ABCA9: variants seen among roughly 807,000 people sequenced by gnomAD.
ABCA9 encodes ATP binding cassette subfamily A member 9, also known as ATP-binding cassette sub-family A member 9.
In ABCA9, 183 loss-of-function variants were observed where a neutral mutation model predicts 205.3. The observed-to-expected ratio is 0.89, with a 90% CI of 0.79 to 1.01. The LOEUF (loss-of-function observed/expected upper bound fraction) is 1.01, where lower values mean the gene tolerates loss of function less well. ABCA9 is among the 50% of genes least tolerant of loss of function. ABCA9 has a pLI of 0.00. For synonymous variants in ABCA9, 651 were observed against 683.3 expected (o/e 0.95, Z 0.74); for missense variants, 1,805 against 1,912.4 (o/e 0.94, Z 1.05).
chr17:68,999,181 T>C, intron 25 of ABCA9, among the ~76,000 whole-genome samples: 1 of 150,144 alleles, frequency 6.7e-6, no homozygotes, highest in East Asian at 1.9e-4. Flanking sequence ...ATTGTGCAGG[T>C]TAGTTACATA....
At chr17:68,992,026 C>T (rs1046662789) in intron 28 of ABCA9, 149 bp downstream of exon 28, 1 of 493,212 alleles carries the variant, frequency 2.0e-6, no homozygotes, top group Non-Finnish European at 3.6e-6. Flanking sequence ...GTATATATTC[C>T]TATATTATGG....
At chr17:68,979,748 T>G (rs1241827530) in intron 37 of ABCA9, among the ~76,000 whole-genome samples, 2 of 152,186 alleles carry the variant, frequency 1.3e-5, no homozygotes, top group African/African-American at 2.4e-5. Context: ...AAGCTGAAAC[T>G]GGATCCCTTC....
intron 34 of ABCA9, among the ~76,000 whole-genome samples, chr17:68,984,498 C>T (rs73365990): frequency 0.011 from 1,661 of 152,180 alleles, 27 homozygotes; most frequent in African/African-American, 0.036. Context: ...CCTATAGGTA[C>T]AAGATGACAG....
At chr17:68,987,177 A>G (rs568690060) in intron 31 of ABCA9, among the ~76,000 whole-genome samples, 1 of 152,352 alleles carries the variant, frequency 6.6e-6, no homozygotes, top group East Asian at 1.9e-4. Context: ...ACAGAAAATT[A>G]TCACAAGCAT....
intron 37 of ABCA9, among the ~76,000 whole-genome samples, chr17:68,981,329 A>G (rs182308970): frequency 6.6e-6 from 1 of 152,138 alleles, no homozygotes; most frequent in Non-Finnish European, 1.5e-5. Flanking sequence ...GTGATGTGAA[A>G]AAAAAAAGAA....
rs779031465 is a variant in ABCA9 at position 69,027,051 on chromosome 17, G to T, written c.1975C>A (p.Leu659Ile). 3.1e-6 allele frequency: 5 copies of T among 1,614,028 alleles called. No individual in the cohort carries two copies. The East Asian group carries it at 1.1e-4, about 36-fold the overall frequency. ...CTGTCTGATTTCCCCTCTTTCAGGA[G>T]ATTCCATATTCGGTGCCTTGAAAGA... Reference protein sequence around the residue: ...DPLSRHRIWNLLKEGKSDRVI... With the variant: ...DPLSRHRIWNILKEGKSDRVI... The change falls in exon 15 of 39, where the codon CTC becomes ATC. Residue 659 changes from leucine to isoleucine, a missense_variant. Physicochemically the swap from Leu to Ile is conservative, Grantham distance 5. Coordinates refer to ENST00000340001, the MANE Select transcript of ABCA9 (RefSeq NM_080283.4).
intron 25 of ABCA9, among the ~76,000 whole-genome samples, chr17:69,006,779 T>G (rs1207349007): frequency 2.0e-5 from 3 of 152,208 alleles, no homozygotes; most frequent in Non-Finnish European, 4.4e-5. Flanking sequence ...GCTTAAAATG[T>G]GTGAACTTTT....
intron 1 of ABCA9, 104 bp downstream of exon 1, chr17:69,060,762 T>G: frequency 1.3e-6 from 1 of 759,306 alleles, no homozygotes; most frequent in Non-Finnish European, 1.6e-6. Flanking sequence ...CGTTAATAAC[T>G]TACTGCTTTT....
In ABCA9 at chr17:69,023,810, C is replaced by A. The variant is rs540222166; in HGVS notation, c.2281+404G>T. Among the ~76,000 whole-genome samples, 1 of 152,122 alleles carries A rather than the reference C, an allele frequency of 6.6e-6. No individual in the cohort carries two copies. The highest frequency in any genetic ancestry group is 1.9e-4 in the East Asian group (1 of 5,192). On this transcript the variant is annotated intron_variant, in intron 17 of 38. Coordinates refer to ENST00000340001, the MANE Select transcript of ABCA9 (RefSeq NM_080283.4). The surrounding 1 kb of genome is among the most constrained non-coding windows in gnomAD (Gnocchi z 4.2). ...ATTATATCAGTATGTGCTGGTGTTTCTAAAACAACCTATTTATTGTGTACA... is the reference window on the plus strand; with the variant it reads ...ATTATATCAGTATGTGCTGGTGTTTATAAAACAACCTATTTATTGTGTACA...
chr17:69,035,004 G>C, intron 8 of ABCA9: 1 of 303,330 alleles, frequency 3.3e-6, no homozygotes, highest in Non-Finnish European at 6.0e-6. Context: ...AATGTTCTCT[G>C]GGACAACCAA....
At chr17:69,076,046 C>G in the ABCA9 span, among the ~76,000 whole-genome samples, 1 of 152,222 alleles carries the variant, frequency 6.6e-6, no homozygotes, top group African/African-American at 2.4e-5. Flanking sequence ...GCAAGAAATT[C>G]AGTACTATGT....
intron 36 of ABCA9, among the ~76,000 whole-genome samples, 187 bp from the exon 37 acceptor site, chr17:68,982,828 G>A (rs937001906): frequency 6.6e-6 from 1 of 152,082 alleles, no homozygotes; most frequent in Admixed American, 6.5e-5. Context: ...AACAGATGGA[G>A]ATCCCATCTC....
At position 68,976,021 on chromosome 17, in the gene ABCA9, G is replaced by T; in HGVS notation, c.4777-8C>A. 1 of 1,613,140 alleles carries T rather than the reference G, an allele frequency of 6.2e-7. No homozygotes were observed. Among genetic ancestry groups the T allele is most frequent in the Non-Finnish European group, 8.5e-7 (1 of 1,179,370 alleles). Reference sequence around the variant, plus strand: ...GGAGAGCTCCAGGAAAACCTAAAAGGAAGGAAAGAAATAAAGAGAGGAGAA... The same window carrying T: ...GGAGAGCTCCAGGAAAACCTAAAAGTAAGGAAAGAAATAAAGAGAGGAGAA... On this transcript the variant is annotated splice_region_variant and splice_polypyrimidine_tract_variant and intron_variant, in intron 38 of 38. Transcript: ENST00000340001.
chr17:69,029,845 G>A (rs1325965004), intron 10 of ABCA9, among the ~76,000 whole-genome samples: 1 of 151,978 alleles, frequency 6.6e-6, no homozygotes, highest in African/African-American at 2.4e-5. Context: ...GAGAGAGGAG[G>A]AAAAAGACCA....
At chr17:68,995,467 C>G (rs962714695) in intron 26 of ABCA9, among the ~76,000 whole-genome samples, 22 of 152,154 alleles carry the variant, frequency 1.4e-4, no homozygotes, top group African/African-American at 5.1e-4. Flanking sequence ...GCTTTTCATA[C>G]CATTTATAAA....
intron 37 of ABCA9, among the ~76,000 whole-genome samples, chr17:68,977,435 T>G (rs2068920997): frequency 6.6e-6 from 1 of 152,202 alleles, no homozygotes; most frequent in Non-Finnish European, 1.5e-5. Flanking sequence ...CTCTTCTTTT[T>G]TCCACTTACA....
At chr17:69,046,507 T>A (rs2071707621) in intron 3 of ABCA9, among the ~76,000 whole-genome samples, 2 of 152,206 alleles carry the variant, frequency 1.3e-5, no homozygotes, top group Admixed American at 6.5e-5. Flanking sequence ...CCTAGGTCCA[T>A]TAATTCAATG....
rs764691635 is a variant in ABCA9, at chr17:68,985,117, G to A, written c.4220C>T (p.Ala1407Val). The A allele has an allele frequency of 9.3e-6, 15 of 1,614,004 alleles. No homozygotes were observed. Among genetic ancestry groups the A allele is most frequent in the South Asian group, 3.3e-5 (3 of 91,088 alleles). Residue 1407 changes from alanine to valine, a missense_variant, in exon 33 of 39, where the codon GCG becomes GTG. By Grantham distance (64) the Ala-to-Val change is moderately conservative. Coordinates refer to ENST00000340001, the MANE Select transcript of ABCA9 (RefSeq NM_080283.4). Reference protein sequence around the residue: ...AMIAITRLVDALKLQDQLKAP... With the variant: ...AMIAITRLVDVLKLQDQLKAP... The stretch of plus-strand genomic sequence containing the variant: ...CTTCAGCTGGTCCTGCAGCTTGAGC[G>A]CATCCACTAACCTGAAGAAAACAGA...
At chr17:69,029,340 T>C in intron 10 of ABCA9, 113 bp from the exon 11 acceptor site, 1 of 616,880 alleles carries the variant, frequency 1.6e-6, no homozygotes, top group Non-Finnish European at 2.7e-6. Context: ...ATTCTTTTCT[T>C]GTAAAGCCTC....
Sources: allele counts gnomAD v4.1 joint callset (sites outside exome capture counted in the v4.1 genomes callset), GRCh38; gene constraint gnomAD v4.1.1; non-coding constraint Gnocchi (gnomAD v3.1); transcripts MANE v1.5; gene names NCBI Gene and HGNC (gene_info 2026-07-23, HGNC 2026-07-21).